GPC5: variants seen among roughly 807,000 people sequenced by gnomAD.
GPC5 encodes glypican-5.
A neutral mutation model predicts 53.9 loss-of-function variants in GPC5; 47 were observed. That is an observed-to-expected ratio of 0.87 (90% CI 0.69 to 1.11). The LOEUF is 1.11. GPC5 is among the 50% of genes most tolerant of loss of function. The pLI is 0.00. For synonymous variants in GPC5, 286 were observed against 263.3 expected (o/e 1.09, Z -0.84); for missense variants, 748 against 713.1 (o/e 1.05, Z -0.56).
intron 6 of GPC5, among the ~76,000 whole-genome samples, chr13:91,964,173 G>A (rs147366562): frequency 3.9e-5 from 6 of 152,320 alleles, no homozygotes; most frequent in East Asian, 1.9e-4. Context: ...GATTGAAGCT[G>A]CAGACCTTCA....
chr13:92,692,754 ATTT>A (rs71272284), intron 7 of GPC5, among the ~76,000 whole-genome samples: 4 of 81,046 alleles, frequency 4.9e-5, no homozygotes, highest in Non-Finnish European at 6.5e-5. Context: ...AATATCGGCT[ATTT>A]TTTTTTTTTT....
intron 2 of GPC5, among the ~76,000 whole-genome samples, chr13:91,689,505 T>A (rs2035707914): frequency 6.6e-6 from 1 of 151,168 alleles, no homozygotes; most frequent in African/African-American, 2.4e-5. Flanking sequence ...CTTCAATTTT[T>A]AAAAAACTTT....
chr13:92,059,261 ATT>A (rs1491236785), intron 6 of GPC5, among the ~76,000 whole-genome samples: 77 of 151,688 alleles, frequency 5.1e-4, no homozygotes, highest in African/African-American at 1.9e-3. Flanking sequence ...CTGGAGGGTA[ATT>A]ACCCATTATA....
chr13:91,712,544 A>G (rs1378865912), intron 3 of GPC5, among the ~76,000 whole-genome samples: 2 of 152,170 alleles, frequency 1.3e-5, no homozygotes, highest in African/African-American at 4.8e-5. Flanking sequence ...AAACAATATA[A>G]TCTATGTAAT....
At chr13:91,854,602 G>C (rs1335346971) in intron 5 of GPC5, among the ~76,000 whole-genome samples, 1 of 151,294 alleles carries the variant, frequency 6.6e-6, no homozygotes, top group South Asian at 2.1e-4. Context: ...TATCTCCATG[G>C]GTTCAATAGT....
intron 7 of GPC5, among the ~76,000 whole-genome samples, chr13:92,834,126 C>T (rs9516133): frequency 0.2 from 29,772 of 151,916 alleles, 3,651 homozygotes; most frequent in Non-Finnish European, 0.28. Flanking sequence ...AGCGAGACTC[C>T]GTGATTGATT....
At chr13:92,294,975 C>T (rs533582641) in intron 7 of GPC5, among the ~76,000 whole-genome samples, 6 of 151,802 alleles carry the variant, frequency 4.0e-5, no homozygotes, top group Non-Finnish European at 7.4e-5. Context: ...ATTACAGGTG[C>T]TTGCCATCAT....
chr13:92,462,687 T>C (rs1179198404), intron 7 of GPC5, among the ~76,000 whole-genome samples: 1 of 151,136 alleles, frequency 6.6e-6, no homozygotes, highest in Non-Finnish European at 1.5e-5. Flanking sequence ...CTGGGAGAGA[T>C]CTCCAAACAA....
chr13:92,590,890 T>C (rs1177248780), intron 7 of GPC5, among the ~76,000 whole-genome samples: 3 of 152,238 alleles, frequency 2.0e-5, no homozygotes, highest in Non-Finnish European at 4.4e-5. Flanking sequence ...TTTCTCATTG[T>C]ATGATAACAC....
intron 7 of GPC5, among the ~76,000 whole-genome samples, chr13:92,385,287 A>G (rs1313003498): frequency 6.7e-6 from 1 of 148,478 alleles, no homozygotes; most frequent in Non-Finnish European, 1.5e-5. Flanking sequence ...TTTATGCAGT[A>G]TAGTCCTATT....
chr13:92,866,206 G>A (rs1194836628), intron 7 of GPC5, 76 bp from the exon 8 acceptor site: 22 of 1,302,032 alleles, frequency 1.7e-5, no homozygotes, highest in Non-Finnish European at 2.3e-5. Context: ...TCCACACTTT[G>A]AGTTTAAGAG....
At chr13:91,493,999 G>A (rs549339961) in intron 2 of GPC5, among the ~76,000 whole-genome samples, 8 of 151,766 alleles carry the variant, frequency 5.3e-5, no homozygotes, top group Admixed American at 2.0e-4. Flanking sequence ...TGAGCCTCCC[G>A]AGTAGCTGAG....
chr13:92,644,753 A>T (rs866460757), intron 7 of GPC5, among the ~76,000 whole-genome samples: 1 of 152,198 alleles, frequency 6.6e-6, no homozygotes, highest in African/African-American at 2.4e-5. Flanking sequence ...TGTTTTTGGA[A>T]CATGGTTAGC....
At chr13:91,756,167 A>G in intron 4 of GPC5, 128 bp from the exon 5 acceptor site, 3 of 558,076 alleles carry the variant, frequency 5.4e-6, no homozygotes, top group Non-Finnish European at 8.0e-6. Flanking sequence ...AAAAAATTAT[A>G]TTCTAAACAT....
intron 7 of GPC5, among the ~76,000 whole-genome samples, chr13:92,774,069 C>T (rs1875706339): frequency 6.6e-6 from 1 of 152,176 alleles, no homozygotes; most frequent in South Asian, 2.1e-4. Context: ...CAATTACCTC[C>T]CACCACATGT....
At chr13:91,700,578 G>A (rs342695) in intron 3 of GPC5, among the ~76,000 whole-genome samples, 30,027 of 152,074 alleles carry the variant, frequency 0.2, 3,625 homozygotes, top group African/African-American at 0.33. Flanking sequence ...GATTATATGT[G>A]TAATAGTCAC....
intron 2 of GPC5, among the ~76,000 whole-genome samples, chr13:91,572,406 A>G (rs539384576): frequency 5.9e-5 from 9 of 152,024 alleles, no homozygotes; most frequent in African/African-American, 2.2e-4. Context: ...TCTATAAAGA[A>G]AAAAGGTTTA....
At chr13:91,972,962 G>A (rs971817515) in intron 6 of GPC5, among the ~76,000 whole-genome samples, 7 of 152,044 alleles carry the variant, frequency 4.6e-5, no homozygotes, top group South Asian at 4.1e-4. Context: ...TGCTCTTCTC[G>A]AGGAGTATCT....
At position 91,873,918 on chromosome 13, in the gene GPC5, A is replaced by G. The variant is rs138806827; in HGVS notation, c.1281-34019A>G. Among the ~76,000 whole-genome samples the G allele has an allele frequency of 1.9e-3, 282 of 152,142 alleles. 2 individuals are homozygous for G. Among genetic ancestry groups the G allele is most frequent in the African/African-American group, 6.4e-3 (265 of 41,494 alleles). On this transcript the variant is annotated intron_variant, in intron 5 of 7. Transcript: ENST00000377067. ...GCTGGTCTCAAACTCCTGAACTCAAACTATCCTCCTGCCTCAGCTTCCCAA... is the reference window on the plus strand; with the variant it reads ...GCTGGTCTCAAACTCCTGAACTCAAGCTATCCTCCTGCCTCAGCTTCCCAA...
Sources: allele counts gnomAD v4.1 joint callset (sites outside exome capture counted in the v4.1 genomes callset), GRCh38; gene constraint gnomAD v4.1.1; transcripts MANE v1.5; gene names NCBI Gene and HGNC (gene_info 2026-07-23, HGNC 2026-07-21).